The following ARHGAP5 variants were observed in gnomAD, a reference collection of about 807,000 sequenced individuals.
ARHGAP5 encodes the protein rho GTPase-activating protein 5.
In ARHGAP5, 23 loss-of-function variants were observed where a neutral mutation model predicts 116.6. The ratio of observed to expected loss-of-function variants is 0.20; its 90% CI spans 0.14 to 0.28. The LOEUF (loss-of-function observed/expected upper bound fraction) is 0.28, where lower values mean the gene tolerates loss of function less well. ARHGAP5 is among the 10% of genes least tolerant of loss of function. ARHGAP5 has a pLI of 1.00. For synonymous variants in ARHGAP5, 574 were observed against 602.0 expected (o/e 0.95, Z 0.68); for missense variants, 1,405 against 1,774.8 (o/e 0.79, Z 3.74).
At chr14:32,124,474 A>C (rs1355597389) in intron 3 of ARHGAP5, among the ~76,000 whole-genome samples, 1 of 152,170 alleles carries the variant, frequency 6.6e-6, no homozygotes, top group Non-Finnish European at 1.5e-5. Flanking sequence ...TACAGTAGAC[A>C]AAAAGGGATA....
At chr14:32,108,085 A>G (rs1019985412) in intron 2 of ARHGAP5, among the ~76,000 whole-genome samples, 1 of 152,174 alleles carries the variant, frequency 6.6e-6, no homozygotes, top group African/African-American at 2.4e-5. Context: ...GGATGAAGAA[A>G]AAAGTTTCTT....
rs559990656 is a variant in ARHGAP5 at position 32,130,547 on chromosome 14, T to C, written c.3865+13260T>C. Among the ~76,000 whole-genome samples the C allele has an allele frequency of 6.9e-4, 103 of 148,616 alleles. 2 individuals carry two copies. The South Asian group carries it at 0.019, about 28-fold the overall frequency. On this transcript the variant is annotated intron_variant, in intron 3 of 6. Coordinates refer to ENST00000345122, the MANE Select transcript of ARHGAP5 (RefSeq NM_001030055.2). Reference sequence around the variant, plus strand: ...TGGCATTGATTGATTGATTGATTGATTGATTGATTTTGAGATGGAGTCTCG... The same window carrying C: ...TGGCATTGATTGATTGATTGATTGACTGATTGATTTTGAGATGGAGTCTCG...
In ARHGAP5 at chr14:32,159,627, C is replaced by G. The variant is rs953118132; in HGVS notation, c.*4679C>G. 1.1e-4 allele frequency: 16 copies of G among 152,078 alleles called. No individual in the cohort carries two copies. Among genetic ancestry groups the G allele is most frequent in the Admixed American group, 5.9e-4 (9 of 15,270 alleles). 9.4% of individuals were successfully genotyped at this position (152,078 alleles called of 1,614,324 possible). ...ATTTTCTAGGTACTTGCTGCAAGTT[C>G]TTGAACTATTTTACCAGCTTTAACT... is the stretch of plus-strand genomic sequence containing the variant. On this transcript the variant is annotated 3_prime_UTR_variant, in exon 7 of 7. Coordinates refer to ENST00000345122, the MANE Select transcript of ARHGAP5 (RefSeq NM_001030055.2).
Position 32,092,043 on chromosome 14 carries a change from G to A in ARHGAP5, c.1374G>A (p.Met458Ile). ...QPWEEVMCFV[M>I]EDEAYKYITE... ...GGGAGGAAGTTATGTGCTTTGTTAT[G>A]GAGGATGAAGCCTACAAATATATCA... The change falls in exon 2 of 7, where the codon ATG (methionine) becomes ATA (isoleucine). Residue 458 changes from methionine to isoleucine, a missense_variant. Transcript: ENST00000345122. The surrounding 1 kb of genome is among the most constrained non-coding windows in gnomAD (Gnocchi z 4.1). The A allele has an allele frequency of 6.2e-7, 1 of 1,613,728 alleles. No homozygotes were observed. The highest frequency in any genetic ancestry group is 1.3e-5 in the African/African-American group (1 of 75,000).
At chr14:32,105,850 T>C (rs1265014743) in intron 2 of ARHGAP5, among the ~76,000 whole-genome samples, 1 of 152,232 alleles carries the variant, frequency 6.6e-6, no homozygotes, top group African/African-American at 2.4e-5. Context: ...ATTTCAAGGA[T>C]GTTATATAAA....
intron 3 of ARHGAP5, among the ~76,000 whole-genome samples, chr14:32,142,160 CT>C (rs1376076047): frequency 6.6e-6 from 1 of 151,966 alleles, no homozygotes; most frequent in Non-Finnish European, 1.5e-5. Context: ...TCCTGGTTTC[CT>C]TTAGTTCTTT....
At chr14:32,145,259 C>T (rs1290612958) in intron 3 of ARHGAP5, among the ~76,000 whole-genome samples, 1 of 152,116 alleles carries the variant, frequency 6.6e-6, no homozygotes, top group African/African-American at 2.4e-5. Flanking sequence ...TGCTGACACT[C>T]CAGAAAGGGT....
chr14:32,112,523 C>A (rs866930106), intron 2 of ARHGAP5, among the ~76,000 whole-genome samples: 3 of 152,144 alleles, frequency 2.0e-5, no homozygotes, highest in Non-Finnish European at 4.4e-5. Context: ...AGAAAAAAGA[C>A]GGCATTTGCA....
chr14:32,079,028 A>G (rs2041744591), intron 1 of ARHGAP5, among the ~76,000 whole-genome samples: 1 of 152,120 alleles, frequency 6.6e-6, no homozygotes, highest in Admixed American at 6.5e-5. Flanking sequence ...CATTACCTTT[A>G]TCTGTAGTAC....
chr14:32,129,431 A>G (rs757710372), intron 3 of ARHGAP5, among the ~76,000 whole-genome samples: 3 of 152,258 alleles, frequency 2.0e-5, no homozygotes, highest in Non-Finnish European at 4.4e-5. Context: ...GACTATCTTT[A>G]AAGCGTAGCA....
At position 32,084,870 on chromosome 14, in the gene ARHGAP5, G is replaced by A. The variant is rs539955533; in HGVS notation, c.-168-5632G>A. Reference sequence around the variant, plus strand: ...AAAAAAATTTAAAAATCACCTATGTGTGGTGGTGCACATCTGTAGTCGCAG... The same window carrying A: ...AAAAAAATTTAAAAATCACCTATGTATGGTGGTGCACATCTGTAGTCGCAG... On this transcript the variant is annotated intron_variant, in intron 1 of 6. Transcript: ENST00000345122. Among the ~76,000 whole-genome samples the A allele has an allele frequency of 3.3e-5, 5 of 152,232 alleles. No homozygotes were observed. The East Asian group carries it at 9.6e-4, about 29-fold the overall frequency.
chr14:32,087,525 A>G (rs1210661721), intron 1 of ARHGAP5, among the ~76,000 whole-genome samples: 1 of 127,848 alleles, frequency 7.8e-6, no homozygotes, highest in Non-Finnish European at 1.6e-5. Flanking sequence ...TCTTGAATTA[A>G]GTAAACCTAT....
chr14:32,092,524 A>G lies in ARHGAP5; in HGVS notation c.1855A>G (p.Thr619Ala), dbSNP rs781055595. ...ELANEIRTQSTDDEYALDGKI... is the reference protein window; with the variant it reads ...ELANEIRTQSADDEYALDGKI... ...AGCAAATGAGATAAGGACACAATCC[A>G]CTGATGATGAGTATGCCTTAGATGG... Residue 619 changes from threonine to alanine, a missense_variant, in exon 2 of 7, where the codon ACT becomes GCT. Around this residue, in one of 6 missense-constraint regions of ARHGAP5, gnomAD observed 944 missense variants for 1,095.3 expected, o/e 0.86. Transcript: ENST00000345122. The surrounding 1 kb of genome is among the most constrained non-coding windows in gnomAD (Gnocchi z 4.1). 7 of 1,613,886 alleles carry G rather than the reference A, an allele frequency of 4.3e-6. No individual in the cohort carries two copies. Among genetic ancestry groups the G allele is most frequent in the South Asian group, 3.3e-5 (3 of 91,048 alleles).
chr14:32,095,401 G>GTTTT (rs869055864), intron 2 of ARHGAP5, among the ~76,000 whole-genome samples: 10 of 120,988 alleles, frequency 8.3e-5, no homozygotes, highest in African/African-American at 9.1e-5. Context: ...TGTAAACTTT[G>GTTTT]TTTTTTTTTT....
intron 2 of ARHGAP5, among the ~76,000 whole-genome samples, chr14:32,113,477 T>C (rs1448990394): frequency 3.9e-5 from 6 of 152,258 alleles, no homozygotes; most frequent in Non-Finnish European, 4.4e-5. Context: ...AAGTTCCTTA[T>C]ATAAGCTACT....
chr14:32,127,600 ATCTC>A (rs573657756), intron 3 of ARHGAP5, among the ~76,000 whole-genome samples: 423 of 152,314 alleles, frequency 2.8e-3, no homozygotes, highest in Non-Finnish European at 4.1e-3. Flanking sequence ...TAACAATCTG[ATCTC>A]TCTTTCTTTT....
chr14:32,093,174 A>G lies in ARHGAP5; in HGVS notation c.2505A>G (p.Ser835=). 1 of 1,614,034 alleles carries G rather than the reference A, an allele frequency of 6.2e-7. No homozygotes were observed. The highest frequency in any genetic ancestry group is 8.5e-7 in the Non-Finnish European group (1 of 1,179,934). The part of the protein sequence containing the change: ...KRRRIQITIL[S]YHSSIGVRKD... ...GGCGAATACAGATCACAATATTATC[A>G]TACCACTCTTCAATTGGAGTAAGAA... is the stretch of plus-strand genomic sequence containing the variant. The change falls in exon 2 of 7, where the codon TCA becomes TCG. Residue 835 remains serine (S), a synonymous_variant. Transcript: ENST00000345122.
chr14:32,123,361 T>C (rs1879985176), intron 3 of ARHGAP5, among the ~76,000 whole-genome samples: 1 of 151,388 alleles, frequency 6.6e-6, no homozygotes, highest in South Asian at 2.1e-4. Flanking sequence ...TGTTTAAAAC[T>C]TTTTTTTTCT....
chr14:32,121,112 G>A (rs985443008), intron 3 of ARHGAP5, among the ~76,000 whole-genome samples: 14 of 133,596 alleles, frequency 1.0e-4, no homozygotes, highest in East Asian at 2.4e-4. Context: ...CCACCTCCCC[G>A]GCTCAGGCAA....
Sources: gnomAD v4.1 joint callset for allele counts (sites outside exome capture counted in the v4.1 genomes callset) on GRCh38, gnomAD v4.1.1 for gene constraint, gnomAD v4.1.1 regional missense constraint, Gnocchi (gnomAD v3.1) non-coding constraint, MANE v1.5 for transcripts, NCBI Gene and HGNC (gene_info 2026-07-23, HGNC 2026-07-21) for gene names.